ABCA9: variants seen among roughly 807,000 people sequenced by gnomAD.
The protein encoded by ABCA9 is ATP-binding cassette sub-family A member 9.
A neutral mutation model predicts 205.3 loss-of-function variants in ABCA9; 183 were observed. That is an observed-to-expected ratio of 0.89 (90% CI 0.79 to 1.01). The LOEUF (loss-of-function observed/expected upper bound fraction) is 1.01. Among genes scored for constraint, ABCA9 ranks in the 50% least tolerant of loss-of-function variants. ABCA9 has a pLI of 0.00. For missense variants in ABCA9, 1,805 were observed against 1,912.4 expected (o/e 0.94, Z 1.05); for synonymous variants, 651 against 683.3 (o/e 0.95, Z 0.74).
intron 6 of ABCA9, among the ~76,000 whole-genome samples, chr17:69,041,535 C>T (rs928656091): frequency 1.3e-5 from 2 of 152,014 alleles, no homozygotes; most frequent in Non-Finnish European, 1.5e-5. Flanking sequence ...GAAACTCTTT[C>T]TCTACTAAAA....
chr17:68,996,053 C>T (rs759690850), intron 25 of ABCA9, 39 bp from the exon 26 acceptor site: 1 of 1,581,730 alleles, frequency 6.3e-7, no homozygotes, highest in South Asian at 1.2e-5. Context: ...TAAAGTGTAC[C>T]AATCTGAATT....
intron 37 of ABCA9, among the ~76,000 whole-genome samples, chr17:68,979,770 T>C (rs1266549448): frequency 1.3e-5 from 2 of 152,144 alleles, no homozygotes; most frequent in Non-Finnish European, 2.9e-5. Flanking sequence ...TTACACCTTA[T>C]ACAAAAATTA....
In ABCA9 at chr17:68,992,834, G is replaced by A. The variant is rs1459249797; in HGVS notation, c.3624+182C>T. On this transcript the variant is annotated intron_variant, in intron 27 of 38. Coordinates refer to ENST00000340001, the MANE Select transcript of ABCA9 (RefSeq NM_080283.4). ...GTCTCAAAAAAAAAAAAGGGGGGGGGTCCAGGTTAAAAGCCATCGTGTGTG... is the reference window on the plus strand; with the variant it reads ...GTCTCAAAAAAAAAAAAGGGGGGGGATCCAGGTTAAAAGCCATCGTGTGTG... 2.3e-5 allele frequency among the ~76,000 whole-genome samples: 3 copies of A among 130,230 alleles called. No individual in the cohort carries two copies. In the East Asian group the frequency reaches 6.0e-4, roughly 26 times the overall value. The allele number at this position is 130,230 out of a possible 152,430, so 85.4% of individuals were successfully genotyped here.
At chr17:69,032,359 A>G (rs2071181315) in intron 9 of ABCA9, 83 bp from the exon 10 acceptor site, 3 of 1,295,406 alleles carry the variant, frequency 2.3e-6, no homozygotes, top group African/African-American at 1.5e-5. Context: ...CCCCTTTGAC[A>G]TTAAACCTGA....
chr17:69,073,344 G>A, the ABCA9 span, among the ~76,000 whole-genome samples: 83,776 of 151,852 alleles, frequency 0.55, 24,326 homozygotes, highest in Non-Finnish European at 0.66. Flanking sequence ...CGACCACATA[G>A]TTGGAAGTAA....
In ABCA9 at chr17:68,989,866, G is replaced by A; in HGVS notation, c.3902C>T (p.Ser1301Phe). ...EYAGKKKNCF[S>F]KRKKKIATRN... ...TGTGGCAATTTTTTTCTTCCTTTTAGAAAAGCAATTTTTCTTTTTGCCTGC... is the reference window on the plus strand; with the variant it reads ...TGTGGCAATTTTTTTCTTCCTTTTAAAAAAGCAATTTTTCTTTTTGCCTGC... The change falls in exon 30 of 39, where the codon TCT becomes TTT. Residue 1301 changes from serine to phenylalanine, a missense_variant. Ser to Phe is a radical substitution (Grantham distance 155, BLOSUM62 -2). Transcript: ENST00000340001. The A allele has an allele frequency of 6.2e-7, 1 of 1,613,234 alleles. No homozygotes were observed. The highest frequency in any genetic ancestry group is 2.2e-5 in the East Asian group (1 of 44,850).
chr17:69,058,413 C>T lies in ABCA9; in HGVS notation c.-14+2453G>A, dbSNP rs28658067. On this transcript the variant is annotated intron_variant, in intron 1 of 38. Coordinates refer to ENST00000340001, the MANE Select transcript of ABCA9 (RefSeq NM_080283.4). ...TCAAGAGACAGCTCAAGTGGGAAGACGATTTATTCAAGTCAGCCTCAAGGG... is the reference window on the plus strand; with the variant it reads ...TCAAGAGACAGCTCAAGTGGGAAGATGATTTATTCAAGTCAGCCTCAAGGG... Among the ~76,000 whole-genome samples, 640 of 152,192 alleles carry T rather than the reference C, an allele frequency of 4.2e-3. 8 individuals carry two copies. Among genetic ancestry groups the T allele is most frequent in the African/African-American group, 0.015 (612 of 41,520 alleles).
the ABCA9 span, among the ~76,000 whole-genome samples, chr17:69,073,170 T>C: frequency 5.9e-5 from 9 of 152,336 alleles, no homozygotes; most frequent in East Asian, 1.7e-3. Context: ...AACACTGCAT[T>C]GTCAATATTA....
chr17:69,018,655 A>T, intron 19 of ABCA9, 76 bp from the exon 20 acceptor site: 1 of 1,081,964 alleles, frequency 9.2e-7, no homozygotes, highest in Non-Finnish European at 1.3e-6. Context: ...AGGTATAATG[A>T]ATATAATAAC....
chr17:69,050,323 AACAC>A (rs149951202), intron 2 of ABCA9, among the ~76,000 whole-genome samples: 1 of 123,924 alleles, frequency 8.1e-6, no homozygotes, highest in Admixed American at 9.1e-5. Context: ...TTGTTGCATG[AACAC>A]ACACACACAC....
At chr17:69,001,726 G>T (rs1338641470) in intron 25 of ABCA9, among the ~76,000 whole-genome samples, 1 of 149,204 alleles carries the variant, frequency 6.7e-6, no homozygotes, top group Non-Finnish European at 1.5e-5. Flanking sequence ...GGTAGAATTC[G>T]GCTGTGAATC....
chr17:69,037,465 A>G (rs1269863425), intron 6 of ABCA9, among the ~76,000 whole-genome samples: 1 of 152,224 alleles, frequency 6.6e-6, no homozygotes, highest in East Asian at 1.9e-4. Flanking sequence ...CTGAATGACT[A>G]CTGGGTAAAT....
chr17:69,038,644 T>C (rs1266497758), intron 6 of ABCA9, among the ~76,000 whole-genome samples: 1 of 152,150 alleles, frequency 6.6e-6, no homozygotes, highest in Non-Finnish European at 1.5e-5. Context: ...ACATTCTCTT[T>C]GAAAACCAGC....
In ABCA9 at chr17:69,049,375, A is replaced by C. The variant is rs781768290; in HGVS notation, c.212T>G (p.Phe71Cys). 6.2e-7 allele frequency: 1 copy of C among 1,613,150 alleles called. No individual in the cohort carries two copies. The highest frequency in any genetic ancestry group is 8.5e-7 in the Non-Finnish European group (1 of 1,179,392). Residue 71 changes from phenylalanine to cysteine, a missense_variant, in exon 3 of 39, where the codon TTT (phenylalanine) becomes TGT (cysteine). Phe to Cys is a radical substitution (Grantham distance 205, BLOSUM62 -2). Transcript: ENST00000340001. The stretch of plus-strand genomic sequence containing the variant: ...TGCAATAACATAATTAGTATCATTA[A>C]AACTATCTACACGTCCCAGATCCAT... ...SSMDLGRVDS[F>C]NDTNYVIAFA...
the ABCA9 span, among the ~76,000 whole-genome samples, chr17:69,069,096 G>T: frequency 2.0e-5 from 3 of 152,132 alleles, no homozygotes; most frequent in Admixed American, 2.0e-4. Flanking sequence ...AAAGAGCGTG[G>T]AAGTCATTAT....
intron 18 of ABCA9, chr17:69,020,839 T>A: frequency 5.2e-6 from 2 of 386,342 alleles, no homozygotes. Context: ...AGGACTTTAT[T>A]TATTCTAAGG....
intron 28 of ABCA9, among the ~76,000 whole-genome samples, chr17:68,991,744 A>G (rs1418760785): frequency 1.3e-5 from 2 of 152,086 alleles, no homozygotes; most frequent in African/African-American, 2.4e-5. Context: ...AGATCCTCCA[A>G]TATCTAGCCT....
the ABCA9 span, among the ~76,000 whole-genome samples, chr17:69,067,513 G>C: frequency 3.4e-5 from 5 of 149,080 alleles, no homozygotes; most frequent in East Asian, 9.8e-4. Flanking sequence ...CTGAGATGGC[G>C]CCACAGCCTT....
chr17:68,975,870 TA>T lies in ABCA9; in HGVS notation c.*44del. 23 of 1,431,860 alleles carry T rather than the reference TA, an allele frequency of 1.6e-5. No homozygotes were observed. The highest frequency in any genetic ancestry group is 2.1e-5 in the Non-Finnish European group (22 of 1,030,234). 88.7% of individuals were successfully genotyped at this position (1,431,860 alleles called of 1,614,324 possible). A position where few individuals can be genotyped will look rare whatever the true frequency, so the allele number is the denominator to read the frequency against. On this transcript the variant is annotated 3_prime_UTR_variant, in exon 39 of 39. Coordinates refer to ENST00000340001, the MANE Select transcript of ABCA9 (RefSeq NM_080283.4). ...TATTAAGGCTATAAAATATTATCTT[TA>T]AAAGAGTCACAGGATTAAAGAAAGA...
Sources: gnomAD v4.1 joint callset for allele counts (sites outside exome capture counted in the v4.1 genomes callset) on GRCh38, gnomAD v4.1.1 for gene constraint, MANE v1.5 for transcripts, NCBI Gene and HGNC (gene_info 2026-07-23, HGNC 2026-07-21) for gene names.